The following MYRIP variants were observed in gnomAD, a reference collection of about 807,000 sequenced individuals.
MYRIP encodes myosin VIIA and Rab interacting protein.
A neutral mutation model predicts 98.0 loss-of-function variants in MYRIP; 49 were observed. That is an observed-to-expected ratio of 0.50 (90% CI 0.40 to 0.63). The LOEUF (loss-of-function observed/expected upper bound fraction) is 0.63. MYRIP is among the 30% of genes least tolerant of loss of function. MYRIP has a pLI of 0.00. For synonymous variants in MYRIP, 404 were observed against 409.5 expected, an observed-to-expected ratio of 0.99 and a Z score of 0.16; for missense variants, 1,004 against 1,058.2, an observed-to-expected ratio of 0.95 and a Z score of 0.71.
intron 1 of MYRIP, among the ~76,000 whole-genome samples, chr3:39,877,789 AG>A (rs1209962376): frequency 4.6e-5 from 7 of 152,292 alleles, no homozygotes; most frequent in Non-Finnish European, 1.0e-4. Flanking sequence ...CTCGGGGGTC[AG>A]GGGTCAGGGA....
chr3:40,139,080 T>G (rs1367237992), intron 3 of MYRIP, among the ~76,000 whole-genome samples: 1 of 152,250 alleles, frequency 6.6e-6, no homozygotes, highest in African/African-American at 2.4e-5. Flanking sequence ...GTGTTTAACT[T>G]TCTCTTCCTA....
At chr3:40,019,457 A>G (rs1946943205) in intron 2 of MYRIP, among the ~76,000 whole-genome samples, 1 of 152,058 alleles carries the variant, frequency 6.6e-6, no homozygotes. Flanking sequence ...GCTTCTGTAA[A>G]CTGCACCCCA....
intron 1 of MYRIP, among the ~76,000 whole-genome samples, chr3:39,817,855 T>C (rs1940972716): frequency 6.6e-6 from 1 of 152,226 alleles, no homozygotes; most frequent in Admixed American, 6.5e-5. Context: ...GTAATACTAA[T>C]CAAAACTTTT....
At chr3:40,151,666 GA>G (rs1950124977) in intron 4 of MYRIP, among the ~76,000 whole-genome samples, 1 of 152,194 alleles carries the variant, frequency 6.6e-6, no homozygotes, top group Non-Finnish European at 1.5e-5. Flanking sequence ...CAGGAAACTT[GA>G]AGGATGAATT....
chr3:40,014,083 G>C lies in MYRIP; in HGVS notation c.111-29967G>C, dbSNP rs543195761. ...CATTTTGTATACTTGATGTTTAGGAGGATATTTATAAGGAGGCATTTTTTT... is the reference window on the plus strand; with the variant it reads ...CATTTTGTATACTTGATGTTTAGGACGATATTTATAAGGAGGCATTTTTTT... On this transcript the variant is annotated intron_variant, in intron 2 of 16. Coordinates refer to ENST00000302541, the MANE Select transcript of MYRIP (RefSeq NM_015460.4). 1.6e-4 allele frequency among the ~76,000 whole-genome samples: 24 copies of C among 152,280 alleles called. 1 individual carries two copies. The South Asian group carries it at 4.3e-3, about 28-fold the overall frequency.
At chr3:39,995,265 T>A (rs900948169) in intron 2 of MYRIP, among the ~76,000 whole-genome samples, 1 of 152,096 alleles carries the variant, frequency 6.6e-6, no homozygotes, top group Admixed American at 6.5e-5. Flanking sequence ...TTCAAACCCA[T>A]GGCAAAGACG....
intron 10 of MYRIP, among the ~76,000 whole-genome samples, chr3:40,202,906 C>CTTACTTACTTACTTAT (rs369594921): frequency 1.4e-5 from 2 of 142,512 alleles, no homozygotes; most frequent in South Asian, 2.4e-4. Flanking sequence ...CCTCCATTTA[C>CTTACTTACTTACTTAT]TTATTTATTT....
intron 11 of MYRIP, among the ~76,000 whole-genome samples, chr3:40,217,548 T>C (rs1015452575): frequency 6.6e-6 from 1 of 152,144 alleles, no homozygotes; most frequent in Non-Finnish European, 1.5e-5. Flanking sequence ...AAATACTGAA[T>C]GAAGAATGAA....
At chr3:40,112,114 G>A (rs1478107912) in intron 3 of MYRIP, among the ~76,000 whole-genome samples, 2 of 152,152 alleles carry the variant, frequency 1.3e-5, no homozygotes, top group East Asian at 3.9e-4. Flanking sequence ...TTGGATAGCT[G>A]AATTGTTCCC....
chr3:39,867,857 T>C (rs1321437601), intron 1 of MYRIP, among the ~76,000 whole-genome samples: 4 of 152,224 alleles, frequency 2.6e-5, no homozygotes, highest in Non-Finnish European at 4.4e-5. Flanking sequence ...TCCATGTTCA[T>C]TGCAGCATTA....
intron 2 of MYRIP, among the ~76,000 whole-genome samples, chr3:39,994,759 C>A (rs1431371878): frequency 6.6e-6 from 1 of 152,186 alleles, no homozygotes; most frequent in African/African-American, 2.4e-5. Context: ...GTCCCTGACC[C>A]CCGAGTAGCC....
At chr3:40,212,640 T>G (rs1307862130) in intron 11 of MYRIP, among the ~76,000 whole-genome samples, 1 of 152,062 alleles carries the variant, frequency 6.6e-6, no homozygotes, top group African/African-American at 2.4e-5. Flanking sequence ...CGTGCACCTG[T>G]AGTCTCAGCT....
intron 2 of MYRIP, among the ~76,000 whole-genome samples, chr3:39,974,454 C>T (rs7644355): frequency 0.02 from 3,078 of 152,250 alleles, 49 homozygotes; most frequent in Non-Finnish European, 0.033. Flanking sequence ...GGATTCACAG[C>T]CAAATTCTAC....
intron 3 of MYRIP, among the ~76,000 whole-genome samples, chr3:40,048,581 G>C (rs1163367345): frequency 6.6e-6 from 1 of 152,108 alleles, no homozygotes; most frequent in African/African-American, 2.4e-5. Flanking sequence ...ACAGTGTCAA[G>C]TCTCTAAGAA....
At chr3:39,887,976 G>A (rs374849395) in intron 1 of MYRIP, among the ~76,000 whole-genome samples, 4 of 150,540 alleles carry the variant, frequency 2.7e-5, no homozygotes, top group African/African-American at 5.0e-5. Context: ...TACAAGGGAC[G>A]TGAAGGACCT....
intron 8 of MYRIP, 91 bp downstream of exon 8, chr3:40,170,184 G>T (rs1950584299): frequency 8.7e-6 from 13 of 1,502,838 alleles, no homozygotes; most frequent in Non-Finnish European, 1.2e-5. Context: ...GTGGCCACTG[G>T]CCAGGGTAAA....
chr3:39,884,140 T>C (rs1943227280), intron 1 of MYRIP, among the ~76,000 whole-genome samples: 1 of 152,010 alleles, frequency 6.6e-6, no homozygotes, highest in Non-Finnish European at 1.5e-5. Flanking sequence ...TAGAAACCAG[T>C]AGAATATCTG....
chr3:39,978,964 T>C (rs1332481883), intron 2 of MYRIP, among the ~76,000 whole-genome samples: 3 of 152,110 alleles, frequency 2.0e-5, no homozygotes, highest in Non-Finnish European at 2.9e-5. Context: ...AAAAATGATA[T>C]AACGTAAGAG....
chr3:40,088,821 G>A (rs1369566172), intron 3 of MYRIP, among the ~76,000 whole-genome samples: 2 of 152,220 alleles, frequency 1.3e-5, no homozygotes, highest in Non-Finnish European at 2.9e-5. Context: ...TTTTGGCAGA[G>A]GCTGGCATGC....
Sources: gnomAD v4.1 joint callset for allele counts (sites outside exome capture counted in the v4.1 genomes callset) on GRCh38, gnomAD v4.1.1 for gene constraint, MANE v1.5 for transcripts, NCBI Gene and HGNC (gene_info 2026-07-23, HGNC 2026-07-21) for gene names.